The following CDH18 variants were observed in gnomAD, a reference collection of about 807,000 sequenced individuals.
CDH18 encodes the protein cadherin 18.
In CDH18, 31 loss-of-function variants were observed where a neutral mutation model predicts 67.9. The observed-to-expected ratio is 0.46, with a 90% confidence interval of 0.34 to 0.62. The LOEUF (loss-of-function observed/expected upper bound fraction) is 0.62. Among genes scored for constraint, CDH18 ranks in the 20% least tolerant of loss-of-function variants. The pLI is 0.01. For missense variants in CDH18, 890 were observed against 975.5 expected, an observed-to-expected ratio of 0.91 and a Z score of 1.17; for synonymous variants, 362 against 347.2, an observed-to-expected ratio of 1.04 and a Z score of -0.48.
chr5:19,528,377 T>C (rs977027259), intron 9 of CDH18, among the ~76,000 whole-genome samples: 1 of 151,724 alleles, frequency 6.6e-6, no homozygotes, highest in Non-Finnish European at 1.5e-5. Context: ...AGTTTATTCT[T>C]TCTTTTTCTG....
At chr5:19,492,837 T>G (rs1741687667) in intron 11 of CDH18, among the ~76,000 whole-genome samples, 1 of 152,106 alleles carries the variant, frequency 6.6e-6, no homozygotes, top group East Asian at 1.9e-4. Flanking sequence ...TACGGAGGAT[T>G]TCTTGGCACA....
rs1245745202 is a variant in CDH18, at chr5:19,994,845, T to G, written c.-517-2831A>C. Among the ~76,000 whole-genome samples the G allele has an allele frequency of 1.0e-3, 33 of 31,744 alleles. 2 individuals carry two copies. Among genetic ancestry groups the G allele is most frequent in the South Asian group, 1.6e-3 (1 of 634 alleles). 20.8% of individuals were successfully genotyped at this position (31,744 alleles called of 152,430 possible). ...TATAAAGAGAATATATATATATATA[T>G]ATATATATATAGAGAGAGAGAGAGA... is the stretch of plus-strand genomic sequence containing the variant. On this transcript the variant is annotated intron_variant, in intron 2 of 14. Transcript: ENST00000507958.
intron 2 of CDH18, among the ~76,000 whole-genome samples, chr5:20,196,330 A>G (rs547032877): frequency 6.6e-6 from 1 of 152,162 alleles, no homozygotes; most frequent in African/African-American, 2.4e-5. Context: ...TAACTATTAA[A>G]TAGCAACCAT....
chr5:19,560,044 C>T (rs2149881042), intron 8 of CDH18, among the ~76,000 whole-genome samples: 1 of 152,086 alleles, frequency 6.6e-6, no homozygotes, highest in African/African-American at 2.4e-5. Flanking sequence ...ATATCCCATG[C>T]TCATAGATGG....
intron 12 of CDH18, among the ~76,000 whole-genome samples, chr5:19,475,555 TAC>T (rs766872845): frequency 1.3e-5 from 2 of 148,316 alleles, no homozygotes; most frequent in Non-Finnish European, 3.0e-5. Context: ...CACACACACA[TAC>T]ACACACACAT....
intron 2 of CDH18, among the ~76,000 whole-genome samples, chr5:20,016,842 G>A (rs1415857852): frequency 6.6e-6 from 1 of 152,088 alleles, no homozygotes; most frequent in African/African-American, 2.4e-5. Context: ...CGGCCTTGGG[G>A]TCAGGTGTTT....
At chr5:20,139,133 AC>A (rs1215279302) in intron 2 of CDH18, among the ~76,000 whole-genome samples, 8 of 152,130 alleles carry the variant, frequency 5.3e-5, no homozygotes. Flanking sequence ...GACCAATGGA[AC>A]AGAACAGAGC....
chr5:20,241,453 G>A (rs148428336), intron 2 of CDH18, among the ~76,000 whole-genome samples: 1,712 of 152,214 alleles, frequency 0.011, 34 homozygotes, highest in African/African-American at 0.039. Flanking sequence ...GAGCTCTATG[G>A]ACTTAGGGAT....
At chr5:19,537,041 T>C (rs759469860) in intron 9 of CDH18, among the ~76,000 whole-genome samples, 9 of 152,176 alleles carry the variant, frequency 5.9e-5, no homozygotes, top group Non-Finnish European at 1.0e-4. Context: ...GATTGAGCCA[T>C]GGAGTGCTCA....
chr5:19,876,557 T>G lies in CDH18; in HGVS notation c.-256-37315A>C, dbSNP rs185228296. On this transcript the variant is annotated intron_variant, in intron 2 of 12. Transcript: ENST00000382275. ...CCTTTTCCCAGGAGGGAATTTTTGT[T>G]GTGGTTACCCTGTCTCAGTTCTGCC... Among the ~76,000 whole-genome samples the G allele has an allele frequency of 4.6e-5, 7 of 152,214 alleles. No individual in the cohort carries two copies. In the East Asian group the frequency reaches 1.4e-3, roughly 29 times the overall value.
At position 20,376,091 on chromosome 5, in the gene CDH18, A is replaced by ATTTTTTTT. The variant is rs562655039; in HGVS notation, c.-579-120594_-579-120587dup. Reference sequence around the variant, plus strand: ...ACAGTAAGCAATTTAAAAAGAAACAATTTTTTTTTTTTTTTTTTTTGAGAC... The same window carrying ATTTTTTTT: ...ACAGTAAGCAATTTAAAAAGAAACAATTTTTTTTTTTTTTTTTTTTTTTTTTTTGAGAC... On this transcript the variant is annotated intron_variant, in intron 1 of 14. Transcript: ENST00000507958. Among the ~76,000 whole-genome samples, 83 of 49,754 alleles carry ATTTTTTTT rather than the reference A, an allele frequency of 1.7e-3. 28 individuals carry two copies. The highest frequency in any genetic ancestry group is 5.6e-3 in the South Asian group (4 of 718). The allele number at this position is 49,754 out of a possible 152,430, so 32.6% of individuals were successfully genotyped here. A position where few individuals can be genotyped will look rare whatever the true frequency, so the allele number is the denominator to read the frequency against.
At chr5:20,455,723 AAAATT>A (rs1271210555) in intron 1 of CDH18, among the ~76,000 whole-genome samples, 51 of 152,218 alleles carry the variant, frequency 3.4e-4, no homozygotes, top group African/African-American at 1.1e-3. Context: ...TTATGATACT[AAAATT>A]AAACATTTAA....
chr5:20,298,148 T>G (rs1747683744), intron 1 of CDH18, among the ~76,000 whole-genome samples: 1 of 152,200 alleles, frequency 6.6e-6, no homozygotes, highest in Non-Finnish European at 1.5e-5. Flanking sequence ...ACCAAGACCT[T>G]TCTTTAACTT....
At chr5:19,939,836 A>T (rs1794643031) in intron 2 of CDH18, among the ~76,000 whole-genome samples, 1 of 151,928 alleles carries the variant, frequency 6.6e-6, no homozygotes. Context: ...TTTGGACTGG[A>T]AAGACTCATC....
At chr5:19,963,792 C>T (rs1485309675) in intron 2 of CDH18, among the ~76,000 whole-genome samples, 1 of 151,964 alleles carries the variant, frequency 6.6e-6, no homozygotes, top group Non-Finnish European at 1.5e-5. Flanking sequence ...TTAATCGACT[C>T]ACAGTTCTGC....
At chr5:20,430,980 T>C (rs1748689454) in intron 1 of CDH18, among the ~76,000 whole-genome samples, 1 of 152,204 alleles carries the variant, frequency 6.6e-6, no homozygotes, top group Admixed American at 6.5e-5. Flanking sequence ...TTTCTCCTAA[T>C]ATATTTATAC....
chr5:20,128,833 C>T (rs1410919123), intron 2 of CDH18, among the ~76,000 whole-genome samples: 1 of 150,986 alleles, frequency 6.6e-6, no homozygotes, highest in Admixed American at 6.6e-5. Flanking sequence ...TGATAGGACA[C>T]AGCAGTTTTT....
At chr5:20,039,831 G>A (rs1277981762) in intron 2 of CDH18, among the ~76,000 whole-genome samples, 5 of 152,106 alleles carry the variant, frequency 3.3e-5, no homozygotes, top group Non-Finnish European at 7.4e-5. Flanking sequence ...GGCAACAAAA[G>A]CCAAAATTGA....
intron 2 of CDH18, among the ~76,000 whole-genome samples, chr5:20,074,429 T>C (rs1272079702): frequency 6.6e-6 from 1 of 152,178 alleles, no homozygotes; most frequent in Non-Finnish European, 1.5e-5. Context: ...TGCAAATTAC[T>C]GTTTTGGACT....
Sources: allele counts gnomAD v4.1 joint callset (sites outside exome capture counted in the v4.1 genomes callset), GRCh38; gene constraint gnomAD v4.1.1; transcripts MANE v1.5; gene names NCBI Gene and HGNC (gene_info 2026-07-23, HGNC 2026-07-21).